The following SHROOM3 variants were observed in gnomAD, a reference collection of about 807,000 sequenced individuals.
The protein encoded by SHROOM3 is shroom family member 3.
A neutral mutation model predicts 138.6 loss-of-function variants in SHROOM3; 47 were observed. That is an observed-to-expected ratio of 0.34 (90% confidence interval 0.27 to 0.43). The LOEUF is 0.43. Among genes scored for constraint, SHROOM3 ranks in the 20% least tolerant of loss-of-function variants. The pLI is 1.00. For missense variants in SHROOM3, 2,491 were observed against 2,596.5 expected, an observed-to-expected ratio of 0.96 and a Z score of 0.88; for synonymous variants, 1,062 against 1,063.3, an observed-to-expected ratio of 1.00 and a Z score of 0.02.
chr4:76,519,907 G>A lies in SHROOM3; in HGVS notation c.169-35702G>A, dbSNP rs1028508175. On this transcript the variant is annotated intron_variant, in intron 1 of 10. Coordinates refer to ENST00000296043, the MANE Select transcript of SHROOM3 (RefSeq NM_020859.4). ...GTGTGAGGTGTGACAATATTGTAAC[G>A]GAAGATTTTGTGTTGAGCTTCTTGT... 1.3e-4 allele frequency among the ~76,000 whole-genome samples: 20 copies of A among 152,254 alleles called. No individual in the cohort carries two copies. In the East Asian group the frequency reaches 1.4e-3, roughly 10 times the overall value.
At position 76,740,933 on chromosome 4, in the gene SHROOM3, C is replaced by T. The variant is rs777018711; in HGVS notation, c.2760C>T (p.Phe920=). 6 of 1,497,794 alleles carry T rather than the reference C, an allele frequency of 4.0e-6. No homozygotes were observed. In the Admixed American group the frequency reaches 1.4e-4, roughly 36 times the overall value. 92.8% of individuals were successfully genotyped at this position (1,497,794 alleles called of 1,614,324 possible). ...SPESPLLDAP[F]SRAYRNSIKD... ...AATCGCCCCTGCTGGATGCCCCCTTCAGCCGCGCCTACCGGAACAGCATCA... is the reference window on the plus strand; with the variant it reads ...AATCGCCCCTGCTGGATGCCCCCTTTAGCCGCGCCTACCGGAACAGCATCA... The change falls in exon 5 of 11, where the codon TTC becomes TTT. Residue 920 remains phenylalanine (F), a synonymous_variant. Coordinates refer to ENST00000296043, the MANE Select transcript of SHROOM3 (RefSeq NM_020859.4). The surrounding 1 kb of genome is among the most constrained non-coding windows in gnomAD (Gnocchi z 4.0).
chr4:76,440,582 A>G (rs1251170456), intron 1 of SHROOM3, among the ~76,000 whole-genome samples: 1 of 152,252 alleles, frequency 6.6e-6, no homozygotes, highest in Admixed American at 6.5e-5. Context: ...AAGTAGTTCA[A>G]GACCCATAAA....
intron 5 of SHROOM3, among the ~76,000 whole-genome samples, chr4:76,745,982 AAAAAT>A (rs537636946): frequency 2.3e-4 from 35 of 152,310 alleles, no homozygotes; most frequent in African/African-American, 7.9e-4. Flanking sequence ...CTCTGTCTCA[AAAAAT>A]AAAATAAAAT....
chr4:76,458,539 A>G (rs1731080646), intron 1 of SHROOM3, among the ~76,000 whole-genome samples: 1 of 152,152 alleles, frequency 6.6e-6, no homozygotes, highest in Non-Finnish European at 1.5e-5. Context: ...GAAACTCTGC[A>G]CTCATTAAAC....
rs186474955 is a variant in SHROOM3 at position 76,753,814 on chromosome 4, G to A, written c.3828-497G>A. Among the ~76,000 whole-genome samples the A allele has an allele frequency of 4.6e-5, 7 of 152,292 alleles. No homozygotes were observed. In the East Asian group the frequency reaches 5.8e-4, roughly 13 times the overall value. On this transcript the variant is annotated intron_variant, in intron 6 of 10. Transcript: ENST00000296043. ...GAAAACACTAGGAGAGTAAGCAAAA[G>A]TTGTAAATAAAACCTTCAAATTCAG...
intron 1 of SHROOM3, among the ~76,000 whole-genome samples, chr4:76,551,847 G>A (rs1437934552): frequency 1.3e-5 from 2 of 151,618 alleles, no homozygotes; most frequent in Non-Finnish European, 2.9e-5. Context: ...CTGAAAATGG[G>A]AAAAAGAAGA....
intron 1 of SHROOM3, among the ~76,000 whole-genome samples, chr4:76,544,555 TTTG>T (rs915635695): frequency 3.3e-5 from 5 of 151,718 alleles, no homozygotes; most frequent in Non-Finnish European, 5.9e-5. Context: ...TTTTTTTTGT[TTTG>T]TTTTGTTTTT....
intron 2 of SHROOM3, among the ~76,000 whole-genome samples, chr4:76,694,758 C>G (rs751396966): frequency 2.0e-5 from 3 of 152,166 alleles, no homozygotes; most frequent in Non-Finnish European, 4.4e-5. Context: ...AGGCTGGCAC[C>G]TGATAGGTGT....
chr4:76,701,658 A>G (rs377022438), intron 2 of SHROOM3, among the ~76,000 whole-genome samples: 236 of 152,314 alleles, frequency 1.5e-3, no homozygotes, highest in African/African-American at 5.5e-3. Flanking sequence ...CTAATGATAG[A>G]GGATAGGGAA....
At chr4:76,594,354 A>G (rs1184911044) in intron 2 of SHROOM3, among the ~76,000 whole-genome samples, 1 of 152,210 alleles carries the variant, frequency 6.6e-6, no homozygotes, top group Non-Finnish European at 1.5e-5. Flanking sequence ...TGCCTAGTGT[A>G]GCGCCTGGTG....
At chr4:76,773,097 C>T (rs1245963396) in intron 10 of SHROOM3, among the ~76,000 whole-genome samples, 2 of 152,088 alleles carry the variant, frequency 1.3e-5, no homozygotes, top group Non-Finnish European at 2.9e-5. Flanking sequence ...TGAGCTAAGG[C>T]TGGGTGCAGT....
rs1303219016 is a variant in SHROOM3 at position 76,740,917 on chromosome 4, T to A, written c.2744T>A (p.Leu915Gln). The change falls in exon 5 of 11, where the codon CTG becomes CAG. Residue 915 changes from leucine (L) to glutamine (Q), a missense_variant. Transcript: ENST00000296043. The surrounding 1 kb of genome is among the most constrained non-coding windows in gnomAD (Gnocchi z 4.0). ...AGGCCCGGCTCGCCCGAATCGCCCC[T>A]GCTGGATGCCCCCTTCAGCCGCGCC... Reference protein sequence around the residue: ...RDRPGSPESPLLDAPFSRAYR... With the variant: ...RDRPGSPESPQLDAPFSRAYR... 1 of 1,499,046 alleles carries A rather than the reference T, an allele frequency of 6.7e-7. No homozygotes were observed. Among genetic ancestry groups the A allele is most frequent in the East Asian group, 2.4e-5 (1 of 41,938 alleles). 92.9% of individuals were successfully genotyped at this position (1,499,046 alleles called of 1,614,324 possible).
chr4:76,606,158 C>T (rs1161910533), intron 2 of SHROOM3, among the ~76,000 whole-genome samples: 3 of 149,626 alleles, frequency 2.0e-5, no homozygotes, highest in East Asian at 2.0e-4. Flanking sequence ...GTATTACAGG[C>T]GCCTGCCACC....
intron 2 of SHROOM3, among the ~76,000 whole-genome samples, chr4:76,648,003 G>T (rs184140544): frequency 6.5e-4 from 99 of 152,108 alleles, no homozygotes; most frequent in Non-Finnish European, 7.4e-5. Context: ...ATTTATCCAT[G>T]ATACCATCTG....
At chr4:76,488,865 AT>A (rs748753556) in intron 1 of SHROOM3, among the ~76,000 whole-genome samples, 65,729 of 151,862 alleles carry the variant, frequency 0.43, 15,136 homozygotes, top group Non-Finnish European at 0.52. Context: ...ACTTGTTTTT[AT>A]CCCCAATTTA....
intron 2 of SHROOM3, among the ~76,000 whole-genome samples, chr4:76,606,608 C>G (rs1198919639): frequency 6.6e-6 from 1 of 151,974 alleles, no homozygotes; most frequent in Non-Finnish European, 1.5e-5. Context: ...GAGGCTGAGG[C>G]AGGACAATCA....
intron 2 of SHROOM3, among the ~76,000 whole-genome samples, chr4:76,596,968 G>C (rs1734403639): frequency 6.6e-6 from 1 of 152,176 alleles, no homozygotes; most frequent in South Asian, 2.1e-4. Context: ...AATGTGAACA[G>C]CTCTGCCTAT....
chr4:76,545,779 T>C (rs1235767077), intron 1 of SHROOM3, among the ~76,000 whole-genome samples: 2 of 152,216 alleles, frequency 1.3e-5, no homozygotes, highest in East Asian at 3.8e-4. Flanking sequence ...GTGGTTAGTC[T>C]TATTGTTCCC....
intron 2 of SHROOM3, among the ~76,000 whole-genome samples, chr4:76,642,502 C>T (rs1577945795): frequency 6.6e-6 from 1 of 152,078 alleles, no homozygotes; most frequent in South Asian, 2.1e-4. Flanking sequence ...GGGAGGAGGC[C>T]AGTCACTGGA....
Sources: gnomAD v4.1 joint callset for allele counts (sites outside exome capture counted in the v4.1 genomes callset) on GRCh38, gnomAD v4.1.1 for gene constraint, Gnocchi (gnomAD v3.1) non-coding constraint, MANE v1.5 for transcripts, NCBI Gene and HGNC (gene_info 2026-07-23, HGNC 2026-07-21) for gene names.